PRKG1: variants seen among roughly 807,000 people sequenced by gnomAD.
PRKG1 encodes the protein protein kinase cGMP-dependent 1, also known as cGMP-dependent protein kinase 1.
A neutral mutation model predicts 88.1 loss-of-function variants in PRKG1; 35 were observed. The ratio of observed to expected loss-of-function variants is 0.40; its 90% CI spans 0.30 to 0.53. The LOEUF is 0.53. PRKG1 is among the 20% of genes least tolerant of loss of function. PRKG1 has a pLI of 0.59. For synonymous variants in PRKG1, 303 were observed against 292.5 expected, an observed-to-expected ratio of 1.04 and a Z score of -0.37; for missense variants, 540 against 839.8, an observed-to-expected ratio of 0.64 and a Z score of 4.41.
intron 1 of PRKG1, among the ~76,000 whole-genome samples, chr10:51,017,147 T>C (rs1242062933): frequency 2.6e-5 from 4 of 152,090 alleles, no homozygotes; most frequent in African/African-American, 2.4e-5. Context: ...TAAGTACATC[T>C]CCTCTAAAAA....
chr10:51,732,404 A>C (rs1837136725), intron 3 of PRKG1, among the ~76,000 whole-genome samples: 1 of 152,200 alleles, frequency 6.6e-6, no homozygotes, highest in South Asian at 2.1e-4. Context: ...AAGGATAGTA[A>C]ATAAACATAT....
intron 1 of PRKG1, among the ~76,000 whole-genome samples, chr10:51,016,674 T>TTCTTTC (rs1491484672): frequency 4.5e-5 from 3 of 67,270 alleles, no homozygotes; most frequent in South Asian, 6.2e-4. Context: ...TTATCCTTTC[T>TTCTTTC]TTTTTTTTTT....
chr10:51,614,132 A>T (rs1838983981), intron 3 of PRKG1, among the ~76,000 whole-genome samples: 1 of 151,872 alleles, frequency 6.6e-6, no homozygotes, highest in Non-Finnish European at 1.5e-5. Context: ...CTCTTTCTTT[A>T]GATCTAGTAA....
intron 3 of PRKG1, among the ~76,000 whole-genome samples, chr10:51,722,228 CA>C (rs58364400): frequency 0.082 from 10,895 of 133,592 alleles, 406 homozygotes; most frequent in South Asian, 0.15. Flanking sequence ...GACTCTATCT[CA>C]AAAAAAAAAA....
At chr10:51,100,817 T>C (rs1192685596) in intron 1 of PRKG1, among the ~76,000 whole-genome samples, 2 of 152,164 alleles carry the variant, frequency 1.3e-5, no homozygotes, top group Non-Finnish European at 2.9e-5. Context: ...TAAAGACTTA[T>C]GAATCTTGCA....
At chr10:52,227,017 G>T (rs1363407601) in intron 9 of PRKG1, among the ~76,000 whole-genome samples, 1 of 152,138 alleles carries the variant, frequency 6.6e-6, no homozygotes, top group Non-Finnish European at 1.5e-5. Context: ...GAATAAAAAT[G>T]TAATTGGAGA....
intron 3 of PRKG1, among the ~76,000 whole-genome samples, chr10:51,667,952 G>C (rs1434725937): frequency 2.0e-5 from 3 of 151,982 alleles, no homozygotes; most frequent in African/African-American, 7.3e-5. Flanking sequence ...TATTCATGGG[G>C]AGAATTTTCC....
chr10:51,352,315 T>C (rs972099808), intron 2 of PRKG1, among the ~76,000 whole-genome samples: 1 of 152,144 alleles, frequency 6.6e-6, no homozygotes, highest in African/African-American at 2.4e-5. Flanking sequence ...GGGGATAGCA[T>C]TGCCTCTATA....
intron 3 of PRKG1, among the ~76,000 whole-genome samples, chr10:51,506,725 C>G (rs10997843): frequency 6.6e-6 from 1 of 151,984 alleles, no homozygotes; most frequent in African/African-American, 2.4e-5. Flanking sequence ...TAGTTCAACC[C>G]TTGTGGAAGG....
intron 5 of PRKG1, among the ~76,000 whole-genome samples, chr10:51,917,260 A>G (rs1217866938): frequency 6.6e-6 from 1 of 150,792 alleles, no homozygotes; most frequent in Non-Finnish European, 1.5e-5. Context: ...CAGAGGTTGC[A>G]GCGGGCCAAG....
intron 5 of PRKG1, among the ~76,000 whole-genome samples, chr10:52,011,078 A>T (rs1844867973): frequency 6.6e-6 from 1 of 152,194 alleles, no homozygotes; most frequent in African/African-American, 2.4e-5. Flanking sequence ...TAATTTCAGA[A>T]TGCCAAGTAC....
intron 5 of PRKG1, among the ~76,000 whole-genome samples, chr10:51,990,394 G>A (rs1380189578): frequency 1.3e-5 from 2 of 152,096 alleles, no homozygotes; most frequent in African/African-American, 4.8e-5. Flanking sequence ...GATAAGGATT[G>A]TATTGAATCT....
At chr10:51,738,592 T>C (rs1837352117) in intron 3 of PRKG1, among the ~76,000 whole-genome samples, 1 of 152,162 alleles carries the variant, frequency 6.6e-6, no homozygotes. Flanking sequence ...GGGAGGTAGA[T>C]AGGTTATGAG....
At chr10:52,031,699 G>A (rs980989245) in intron 5 of PRKG1, among the ~76,000 whole-genome samples, 3 of 152,148 alleles carry the variant, frequency 2.0e-5, no homozygotes, top group African/African-American at 7.2e-5. Flanking sequence ...GAGATGGAGG[G>A]TAGAAATATA....
chr10:51,942,593 G>A (rs199785698), intron 5 of PRKG1, among the ~76,000 whole-genome samples: 15,232 of 144,162 alleles, frequency 0.11, 955 homozygotes, highest in East Asian at 0.32. Context: ...TAGGTCTAAC[G>A]TTTAAGTCTT....
At chr10:51,339,675 T>A (rs1841960228) in intron 2 of PRKG1, among the ~76,000 whole-genome samples, 1 of 152,028 alleles carries the variant, frequency 6.6e-6, no homozygotes, top group Non-Finnish European at 1.5e-5. Flanking sequence ...ATGCTGTTTT[T>A]AACTATTTTC....
chr10:52,086,267 T>A (rs1846911216), intron 7 of PRKG1, among the ~76,000 whole-genome samples: 1 of 152,154 alleles, frequency 6.6e-6, no homozygotes, highest in African/African-American at 2.4e-5. Context: ...ATCTTTCTTG[T>A]ATTTCTTTTT....
intron 7 of PRKG1, among the ~76,000 whole-genome samples, chr10:52,098,128 G>T (rs1240789925): frequency 6.6e-6 from 1 of 152,132 alleles, no homozygotes; most frequent in Non-Finnish European, 1.5e-5. Context: ...AATTCAGCAT[G>T]TACTGAAAAT....
At chr10:51,112,860 A>T (rs1462303822) in intron 1 of PRKG1, among the ~76,000 whole-genome samples, 1 of 152,190 alleles carries the variant, frequency 6.6e-6, no homozygotes, top group Non-Finnish European at 1.5e-5. Flanking sequence ...ATGCTAGACT[A>T]GTTTGACATA....
Sources: allele counts gnomAD v4.1 joint callset (sites outside exome capture counted in the v4.1 genomes callset), GRCh38; gene constraint gnomAD v4.1.1; transcripts MANE v1.5; gene names NCBI Gene and HGNC (gene_info 2026-07-23, HGNC 2026-07-21).